The following RNPEPL1 variants were observed in gnomAD, a reference collection of about 807,000 sequenced individuals.
The protein encoded by RNPEPL1 is arginyl aminopeptidase like 1, also known as aminopeptidase RNPEPL1.
A neutral mutation model predicts 69.0 loss-of-function variants in RNPEPL1; 46 were observed. The ratio of observed to expected loss-of-function variants is 0.67; its 90% CI spans 0.53 to 0.85. The LOEUF is 0.85. Among genes scored for constraint, RNPEPL1 ranks in the 40% least tolerant of loss-of-function variants. The pLI is 0.00. For missense variants in RNPEPL1, 869 were observed against 992.5 expected (o/e 0.88, Z 1.67); for synonymous variants, 525 against 454.1 (o/e 1.16, Z -1.98).
At chr2:240,577,496 C>A in intron 10 of RNPEPL1, 103 bp from the exon 11 acceptor site, 1 of 1,303,814 alleles carries the variant, frequency 7.7e-7, no homozygotes, top group Non-Finnish European at 1.1e-6. Flanking sequence ...AATGATGAAG[C>A]TGGGAAGCCA....
chr2:240,568,905 T>TCCGCCC lies in RNPEPL1; in HGVS notation c.323_328dup (p.Ala108_Pro109dup). On this transcript the variant is annotated inframe_insertion, in exon 1 of 11. Coordinates refer to ENST00000270357, the MANE Select transcript of RNPEPL1 (RefSeq NM_018226.6). This position sits in a 1 kb window ranked among gnomAD's most constrained non-coding sequence, Gnocchi z 6.2. The stretch of plus-strand genomic sequence containing the variant: ...CGAGACGCCCTGCGCCTTCGCCTTC[T>TCCGCCC]CCGCCCCCGGGCCGGGGCCCGCGCC... 7.9e-7 allele frequency: 1 copy of TCCGCCC among 1,271,322 alleles called. No homozygotes were observed. The highest frequency in any genetic ancestry group is 2.5e-5 in the South Asian group (1 of 40,386). 78.8% of individuals were successfully genotyped at this position (1,271,322 alleles called of 1,614,324 possible).
chr2:240,575,239 A>C (rs2093034384), intron 7 of RNPEPL1, 97 bp downstream of exon 7: 1 of 1,007,208 alleles, frequency 9.9e-7, no homozygotes. Flanking sequence ...TTGGGGTGGA[A>C]CTGGCAGGGG....
chr2:240,568,721 G>A lies in RNPEPL1; in HGVS notation c.135G>A (p.Gln45=). 6.5e-6 allele frequency: 7 copies of A among 1,075,650 alleles called. No homozygotes were observed. The highest frequency in any genetic ancestry group is 7.9e-6 in the Non-Finnish European group (7 of 882,382). The allele number at this position is 1,075,650 out of a possible 1,614,324, so 66.6% of individuals were successfully genotyped here. ...AGCTCTTCCGCCTCCGCCACCTGCAGCTGGGCCTGGAGCTGCGGCCCGAGG... is the reference window on the plus strand; with the variant it reads ...AGCTCTTCCGCCTCCGCCACCTGCAACTGGGCCTGGAGCTGCGGCCCGAGG... ...SAQLFRLRHL[Q]LGLELRPEAR... Residue 45 remains glutamine (Q), a synonymous_variant, in exon 1 of 11, where the codon CAG becomes CAA. Coordinates refer to ENST00000270357, the MANE Select transcript of RNPEPL1 (RefSeq NM_018226.6). This position sits in a 1 kb window ranked among gnomAD's most constrained non-coding sequence, Gnocchi z 6.2.
chr2:240,571,780 C>T (rs775513407), intron 1 of RNPEPL1, among the ~76,000 whole-genome samples: 6 of 151,802 alleles, frequency 4.0e-5, no homozygotes, highest in South Asian at 2.1e-4. Context: ...CTCCAGGCAG[C>T]GGCCCCAGCC....
At chr2:240,577,463 A>T in intron 10 of RNPEPL1, 136 bp from the exon 11 acceptor site, 1 of 968,176 alleles carries the variant, frequency 1.0e-6, no homozygotes, top group Non-Finnish European at 1.5e-6. Flanking sequence ...CCTCCTGGCC[A>T]CCGGAGTCCA....
rs1243174616 is a variant in RNPEPL1 at position 240,568,564 on chromosome 2, G to A, written c.-23G>A. 4.1e-6 allele frequency: 4 copies of A among 972,222 alleles called. No individual in the cohort carries two copies. The highest frequency in any genetic ancestry group is 4.9e-6 in the Non-Finnish European group (4 of 821,522). The allele number at this position is 972,222 out of a possible 1,614,324, so 60.2% of individuals were successfully genotyped here. ...CGGCCCGGCGCGGCCGCCGCCCATG[G>A]ATTTCACCTAGTGCCGGCGGCCATG... On this transcript the variant is annotated 5_prime_UTR_variant, in exon 1 of 11. Transcript: ENST00000270357. The surrounding 1 kb of genome is among the most constrained non-coding windows in gnomAD (Gnocchi z 6.2).
At chr2:240,575,934 G>A in intron 8 of RNPEPL1, 1 of 394,646 alleles carries the variant, frequency 2.5e-6, no homozygotes, top group Non-Finnish European at 4.8e-6. Context: ...CTGGAGAACA[G>A]CAGCCAGCCC....
chr2:240,577,807 C>T lies in RNPEPL1; in HGVS notation c.2093C>T (p.Thr698Ile). The T allele has an allele frequency of 6.2e-7, 1 of 1,608,784 alleles. No homozygotes were observed. The highest frequency in any genetic ancestry group is 8.5e-7 in the Non-Finnish European group (1 of 1,176,844). Reference sequence around the variant, plus strand: ...GAGCTGGGCAAGGCTGAAGCAGACACAGACTCGGACGCACAGGCCCTGCTG... The same window carrying T: ...GAGCTGGGCAAGGCTGAAGCAGACATAGACTCGGACGCACAGGCCCTGCTG... ...STELGKAEAD[T>I]DSDAQALLLG... The change falls in exon 11 of 11, where the codon ACA (threonine) becomes ATA (isoleucine). Residue 698 changes from threonine (T) to isoleucine (I), a missense_variant. Physicochemically the swap from Thr to Ile is moderately conservative, Grantham distance 89. Coordinates refer to ENST00000270357, the MANE Select transcript of RNPEPL1 (RefSeq NM_018226.6).
intron 2 of RNPEPL1, 88 bp downstream of exon 2, chr2:240,572,651 G>T: frequency 1.4e-6 from 2 of 1,476,524 alleles, no homozygotes; most frequent in Non-Finnish European, 1.8e-6. Context: ...TACCTGCCTG[G>T]GCTGTGGCCC....
Position 240,578,021 on chromosome 2 carries a change from C to A in RNPEPL1, c.*129C>A. On this transcript the variant is annotated 3_prime_UTR_variant, in exon 11 of 11. Coordinates refer to ENST00000270357, the MANE Select transcript of RNPEPL1 (RefSeq NM_018226.6). Reference sequence around the variant, plus strand: ...CAGGCCCACAAGCCCCTCCCCTGGGCTCTCCCAGGCAGGGAGAATGGGGAG... The same window carrying A: ...CAGGCCCACAAGCCCCTCCCCTGGGATCTCCCAGGCAGGGAGAATGGGGAG... The A allele has an allele frequency of 2.1e-6, 2 of 937,722 alleles. No individual in the cohort carries two copies. Among genetic ancestry groups the A allele is most frequent in the Non-Finnish European group, 1.5e-6 (1 of 672,748 alleles). The allele number at this position is 937,722 out of a possible 1,614,324, so 58.1% of individuals were successfully genotyped here.
chr2:240,576,941 A>G lies in RNPEPL1; in HGVS notation c.1835A>G (p.Asn612Ser). 3 of 1,613,494 alleles carry G rather than the reference A, an allele frequency of 1.9e-6. No homozygotes were observed. Among genetic ancestry groups the G allele is most frequent in the Non-Finnish European group, 2.5e-6 (3 of 1,179,964 alleles). ...CGCTGGCTGCAGATTGTGGTCCGCA[A>G]CGACTACTATCCTGACCTCCACAGG... ...RIRWLQIVVR[N>S]DYYPDLHRVR... The change falls in exon 10 of 11, where the codon AAC (asparagine) becomes AGC (serine). Residue 612 changes from asparagine to serine, a missense_variant. Around this residue, in one of 2 missense-constraint regions of RNPEPL1, gnomAD observed 610 missense variants for 790.9 expected, o/e 0.77. Transcript: ENST00000270357.
chr2:240,577,097 T>C, intron 10 of RNPEPL1, 107 bp downstream of exon 10: 15 of 1,421,758 alleles, frequency 1.1e-5, no homozygotes, highest in Non-Finnish European at 1.5e-5. Context: ...AGGCACATTC[T>C]GGAGAATGGG....
rs774842552 is a variant in RNPEPL1 at position 240,573,215 on chromosome 2, G to A, written c.775G>A (p.Val259Met). 5.7e-6 allele frequency: 9 copies of A among 1,576,602 alleles called. No homozygotes were observed. The highest frequency in any genetic ancestry group is 1.8e-5 in the Admixed American group (1 of 54,252). Residue 259 changes from valine (V) to methionine (M), a missense_variant, in exon 3 of 11, where the codon GTG becomes ATG. Around this residue, in one of 2 missense-constraint regions of RNPEPL1, gnomAD observed 610 missense variants for 790.9 expected, o/e 0.77. Transcript: ENST00000270357. ...HMEHPVPAYL[V>M]ALVAGDLKPA... The stretch of plus-strand genomic sequence containing the variant: ...GGAGCACCCCGTGCCCGCCTACCTC[G>A]TGGCCCTGGTGGCCGGAGACCTCAA...
intron 1 of RNPEPL1, among the ~76,000 whole-genome samples, chr2:240,569,808 AC>A (rs2093016010): frequency 6.6e-6 from 1 of 152,190 alleles, no homozygotes; most frequent in Non-Finnish European, 1.5e-5. Flanking sequence ...CACATGTGAC[AC>A]CCGACATATG....
chr2:240,576,167 A>C, intron 8 of RNPEPL1: 5 of 330,888 alleles, frequency 1.5e-5, no homozygotes, highest in Non-Finnish European at 2.3e-5. Flanking sequence ...AAGAGCAGGA[A>C]TATCATCTTA....
intron 6 of RNPEPL1, 165 bp from the exon 7 acceptor site, chr2:240,574,865 C>T (rs963396785): frequency 1.5e-5 from 10 of 682,864 alleles, no homozygotes; most frequent in East Asian, 2.6e-5. Flanking sequence ...CAGTCTTCCC[C>T]GAGGCCCTGC....
rs762065808 is a variant in RNPEPL1, at chr2:240,568,866, CCCG to C, written c.293_295del (p.Ala98del). 7.5e-4 allele frequency: 898 copies of C among 1,201,838 alleles called. No individual in the cohort carries two copies. Among genetic ancestry groups the C allele is most frequent in the South Asian group, 5.5e-3 (219 of 39,520 alleles). The allele number at this position is 1,201,838 out of a possible 1,614,324, so 74.4% of individuals were successfully genotyped here. On this transcript the variant is annotated inframe_deletion, in exon 1 of 11. Coordinates refer to ENST00000270357, the MANE Select transcript of RNPEPL1 (RefSeq NM_018226.6). This position sits in a 1 kb window ranked among gnomAD's most constrained non-coding sequence, Gnocchi z 6.2. The stretch of plus-strand genomic sequence containing the variant: ...GCACTCAGCCGCCTTCCGTCGCGCC[CCCG>C]CCGCCGCCGCCGAGACGCCCTGCGC...
Position 240,580,598 on chromosome 2 carries a change from C to T in RNPEPL1, c.*2706C>T, listed in dbSNP as rs896933339. 2 of 152,224 alleles carry T rather than the reference C, an allele frequency of 1.3e-5. No individual in the cohort carries two copies. The highest frequency in any genetic ancestry group is 4.8e-5 in the African/African-American group (2 of 41,450). 9.4% of individuals were successfully genotyped at this position (152,224 alleles called of 1,614,324 possible). A position where few individuals can be genotyped will look rare whatever the true frequency, so the allele number is the denominator to read the frequency against. ...AGAGATCTCAAATGTTTCCAGGCAC[C>T]TTGCCAGGGATAAGAGAGCTGTTGA... On this transcript the variant is annotated 3_prime_UTR_variant, in exon 11 of 11. Coordinates refer to ENST00000270357, the MANE Select transcript of RNPEPL1 (RefSeq NM_018226.6).
rs2093041808 is a variant in RNPEPL1, at chr2:240,577,733, G to A, written c.2019G>A (p.Leu673=). The part of the protein sequence containing the change: ...PNLRRAIQQI[L]SQGLGSSTEP... ...TGCGCAGAGCCATCCAGCAGATCCT[G>A]TCCCAGGGCCTGGGCTCCAGCACAG... Residue 673 remains leucine, a synonymous_variant, in exon 11 of 11, where the codon CTG becomes CTA. Coordinates refer to ENST00000270357, the MANE Select transcript of RNPEPL1 (RefSeq NM_018226.6). 5.0e-6 allele frequency: 8 copies of A among 1,612,432 alleles called. No homozygotes were observed. The South Asian group carries it at 7.7e-5, about 16-fold the overall frequency.
Sources: allele counts gnomAD v4.1 joint callset (sites outside exome capture counted in the v4.1 genomes callset), GRCh38; gene constraint gnomAD v4.1.1; regional missense constraint gnomAD v4.1.1; non-coding constraint Gnocchi (gnomAD v3.1); transcripts MANE v1.5; gene names NCBI Gene and HGNC (gene_info 2026-07-23, HGNC 2026-07-21).